Variants in GPC4 observed in about 807,000 individuals in gnomAD.
GPC4 encodes glypican-4.
GPC4 carries 10 observed loss-of-function variants against 35.0 expected under a neutral mutation model. That is an observed-to-expected ratio of 0.29 (90% CI 0.18 to 0.48). The LOEUF is 0.48. Ranked by LOEUF, GPC4 falls within the 20% of genes least tolerant of loss-of-function variation. GPC4 has a pLI of 0.99. For synonymous variants in GPC4, 167 were observed against 170.2 expected (o/e 0.98, Z 0.15); for missense variants, 322 against 451.3 (o/e 0.71, Z 2.60).
intron 1 of GPC4, among the ~76,000 whole-genome samples, chrX:133,375,016 A>C (rs1270659040): frequency 8.9e-6 from 1 of 112,335 alleles, no homozygotes; most frequent in African/African-American, 3.2e-5. Flanking sequence ...CTAAAACAAT[A>C]TAAACACTTC....
At chrX:133,378,006 G>A (rs1477387276) in intron 1 of GPC4, among the ~76,000 whole-genome samples, 1 of 102,476 alleles carries the variant, frequency 9.8e-6, no homozygotes. Flanking sequence ...GCGACCCTCC[G>A]ACCTCAGCTT....
At chrX:133,384,080 G>C (rs1189878268) in intron 1 of GPC4, among the ~76,000 whole-genome samples, 1 of 111,821 alleles carries the variant, frequency 8.9e-6, no homozygotes, top group East Asian at 2.8e-4. Context: ...ACACTTTAAT[G>C]TGTCCAAATG....
chrX:133,370,980 C>A (rs1487695137), intron 1 of GPC4, among the ~76,000 whole-genome samples: 1 of 111,980 alleles, frequency 8.9e-6, no homozygotes, highest in Non-Finnish European at 1.9e-5. Context: ...TGCTCAGAAA[C>A]CTTTGCTAAA....
intron 1 of GPC4, among the ~76,000 whole-genome samples, chrX:133,364,320 G>A (rs1191925519): frequency 9.0e-6 from 1 of 110,915 alleles, no homozygotes; most frequent in African/African-American, 3.3e-5. Context: ...TTGGTCATAC[G>A]GACCAAAAAT....
At chrX:133,407,985 C>T (rs974859430) in intron 1 of GPC4, among the ~76,000 whole-genome samples, 2 of 112,527 alleles carry the variant, frequency 1.8e-5, no homozygotes, top group African/African-American at 6.5e-5. Flanking sequence ...TAATTTCTAA[C>T]ATTTGTTAGA....
Position 133,339,233 on chromosome X carries a change from T to C in GPC4, c.269A>G (p.Gln90Arg), listed in dbSNP as rs775411048. The C allele has an allele frequency of 1.7e-6, 2 of 1,211,860 alleles. No individual in the cohort carries two copies. The highest frequency in any genetic ancestry group is 2.2e-6 in the Non-Finnish European group (2 of 895,387). Residue 90 changes from glutamine (Q) to arginine (R), a missense_variant, in exon 2 of 9, where the codon CAG (glutamine) becomes CGG (arginine). By Grantham distance (43) the Gln-to-Arg change is conservative. Coordinates refer to ENST00000370828, the MANE Select transcript of GPC4 (RefSeq NM_001448.3). ...KDDFKSVVSEQCNHLQAVFAS... is the reference protein window; with the variant it reads ...KDDFKSVVSERCNHLQAVFAS... ...AAAGACAGCTTGCAAATGATTGCACTGTTCGCTGACCACACTTTTGAAATC... is the reference window on the plus strand; with the variant it reads ...AAAGACAGCTTGCAAATGATTGCACCGTTCGCTGACCACACTTTTGAAATC...
At chrX:133,409,836 G>C (rs1390949502) in intron 1 of GPC4, among the ~76,000 whole-genome samples, 4 of 111,469 alleles carry the variant, frequency 3.6e-5, no homozygotes, top group Non-Finnish European at 7.5e-5. Context: ...GATAGAACAG[G>C]GATTTAGGAG....
chrX:133,405,673 A>T (rs1214552464), intron 1 of GPC4, among the ~76,000 whole-genome samples: 1 of 111,769 alleles, frequency 8.9e-6, no homozygotes, highest in Non-Finnish European at 1.9e-5. Flanking sequence ...CCTTCCTGTG[A>T]TTCCCATCGG....
chrX:133,307,447 A>ATTT (rs2068295632), intron 4 of GPC4, among the ~76,000 whole-genome samples: 1 of 107,487 alleles, frequency 9.3e-6, no homozygotes, highest in South Asian at 4.4e-4. Flanking sequence ...CCACAAATAG[A>ATTT]TTTCCATGAA....
chrX:133,404,412 T>TG (rs1295377076), intron 1 of GPC4, among the ~76,000 whole-genome samples: 1 of 107,603 alleles, frequency 9.3e-6, no homozygotes, highest in East Asian at 3.0e-4. Flanking sequence ...CTAGGCGTGG[T>TG]GGGGCACACC....
At chrX:133,411,944 G>A (rs1407136986) in intron 1 of GPC4, among the ~76,000 whole-genome samples, 2 of 111,238 alleles carry the variant, frequency 1.8e-5, no homozygotes, top group African/African-American at 6.5e-5. Flanking sequence ...TATAAAGACT[G>A]AGACTCCTCC....
Position 133,324,173 on chromosome X carries a change from G to A in GPC4, c.683C>T (p.Ala228Val). 5.8e-6 allele frequency: 7 copies of A among 1,206,700 alleles called. No individual in the cohort carries two copies. The highest frequency in any genetic ancestry group is 2.2e-5 in the Admixed American group (1 of 45,213). ...ARTFAQGLAV[A>V]GDVVSKVSVV... is the part of the protein sequence containing the mutation. ...GGAGACCTTGCTCACGACATCTCCCGCAACCGCTAAGCCTTGAGCGAAAGT... is the reference window on the plus strand; with the variant it reads ...GGAGACCTTGCTCACGACATCTCCCACAACCGCTAAGCCTTGAGCGAAAGT... The change falls in exon 3 of 9, where the codon GCG (alanine) becomes GTG (valine). Residue 228 changes from alanine (A) to valine (V), a missense_variant. By Grantham distance (64) the Ala-to-Val change is moderately conservative (BLOSUM62 0). This residue lies in a region of GPC4 where 163 missense variants were observed against 277.2 expected (regional missense o/e 0.59). Transcript: ENST00000370828.
At chrX:133,329,089 C>T (rs2068406979) in intron 2 of GPC4, among the ~76,000 whole-genome samples, 1 of 112,005 alleles carries the variant, frequency 8.9e-6, no homozygotes, top group African/African-American at 3.2e-5. Context: ...AACACTGTAA[C>T]ATGCTATGAA....
intron 1 of GPC4, among the ~76,000 whole-genome samples, chrX:133,391,324 T>C (rs775262597): frequency 5.5e-4 from 61 of 111,922 alleles, no homozygotes; most frequent in Non-Finnish European, 4.3e-4. Context: ...ACAGTTCTAG[T>C]ACAAAAAGGC....
chrX:133,364,311 TG>T (rs1488200472), intron 1 of GPC4, among the ~76,000 whole-genome samples: 1 of 111,586 alleles, frequency 9.0e-6, no homozygotes, highest in African/African-American at 3.3e-5. Flanking sequence ...TGGAATTGCT[TG>T]GTCATACGGA....
In GPC4 at chrX:133,344,926, G is replaced by A. The variant is rs2068485836; in HGVS notation, c.161-5585C>T. ...AAACTGTTCCTTAAGGGTAAGGACC[G>A]CAGTGAGGAACATTTGAGAAGAACA... is the stretch of plus-strand genomic sequence containing the variant. On this transcript the variant is annotated intron_variant, in intron 1 of 8. Coordinates refer to ENST00000370828, the MANE Select transcript of GPC4 (RefSeq NM_001448.3). Among the ~76,000 whole-genome samples the A allele has an allele frequency of 2.7e-5, 3 of 112,404 alleles. No homozygotes were observed. In the Admixed American group the frequency reaches 2.8e-4, roughly 11 times the overall value.
intron 1 of GPC4, among the ~76,000 whole-genome samples, chrX:133,339,932 C>T (rs2068459354): frequency 8.9e-6 from 1 of 111,821 alleles, no homozygotes; most frequent in African/African-American, 3.3e-5. Flanking sequence ...GATGGTAATC[C>T]TCAATCCTTG....
chrX:133,397,710 C>A (rs1269847512), intron 1 of GPC4, among the ~76,000 whole-genome samples: 1 of 111,712 alleles, frequency 9.0e-6, no homozygotes, highest in African/African-American at 3.2e-5. Context: ...TCATTAGAGC[C>A]ATTGTAAGAG....
At position 133,362,717 on chromosome X, in the gene GPC4, A is replaced by G. The variant is rs976929169; in HGVS notation, c.161-23376T>C. 8.9e-5 allele frequency among the ~76,000 whole-genome samples: 10 copies of G among 112,259 alleles called. No individual in the cohort carries two copies. The Admixed American group carries it at 9.4e-4, about 11-fold the overall frequency. On this transcript the variant is annotated intron_variant, in intron 1 of 8. Transcript: ENST00000370828. ...AACATCCTCTGTCAGAGTTGTCCTG[A>G]AAACAGCCCTGTGTGATGGCTCACA...
Sources: gnomAD v4.1 joint callset for allele counts (sites outside exome capture counted in the v4.1 genomes callset) on GRCh38, gnomAD v4.1.1 for gene constraint, gnomAD v4.1.1 regional missense constraint, MANE v1.5 for transcripts, NCBI Gene and HGNC (gene_info 2026-07-23, HGNC 2026-07-21) for gene names.